The following TENM1 variants were observed in gnomAD, a reference collection of about 807,000 sequenced individuals.
TENM1 encodes the protein teneurin-1.
A neutral mutation model predicts 174.8 loss-of-function variants in TENM1; 35 were observed. The ratio of observed to expected loss-of-function variants is 0.20; its 90% CI spans 0.15 to 0.27. The LOEUF (loss-of-function observed/expected upper bound fraction) is 0.27. Ranked by LOEUF, TENM1 falls within the 10% of genes least tolerant of loss-of-function variation. The pLI is 1.00. For synonymous variants in TENM1, 781 were observed against 798.7 expected, an observed-to-expected ratio of 0.98 and a Z score of 0.37; for missense variants, 1,633 against 2,130.1, an observed-to-expected ratio of 0.77 and a Z score of 4.59.
intron 14 of TENM1, among the ~76,000 whole-genome samples, chrX:124,560,650 C>A (rs771999783): frequency 9.0e-6 from 1 of 111,586 alleles, no homozygotes; most frequent in South Asian, 3.8e-4. Context: ...AAGGAAGAAA[C>A]TCTTATAATG....
At chrX:125,106,522 A>G in the TENM1 span, among the ~76,000 whole-genome samples, 31,193 of 107,072 alleles carry the variant, frequency 0.29, 4,065 homozygotes, top group African/African-American at 0.5. Flanking sequence ...CCATTCTCTT[A>G]CCTCAGCCTC....
rs189711244 is a variant in TENM1, at chrX:124,581,207, G to T, written c.2078-15647C>A. ...AGTCTCCTGAGTAGCTGGGATTACA[G>T]GTGCGTGCCACCACGTCCGGCTAAT... is the stretch of plus-strand genomic sequence containing the variant. On this transcript the variant is annotated intron_variant, in intron 11 of 31. Transcript: ENST00000422452. Among the ~76,000 whole-genome samples, 650 of 107,925 alleles carry T rather than the reference G, an allele frequency of 6.0e-3. 3 individuals carry two copies. Among genetic ancestry groups the T allele is most frequent in the Middle Eastern group, 9.3e-3 (2 of 214 alleles). 93.7% of individuals were successfully genotyped at this position (107,925 alleles called of 115,157 possible). A position where few individuals can be genotyped will look rare whatever the true frequency, so the allele number is the denominator to read the frequency against.
At chrX:124,782,918 T>A (rs1843866993) in intron 3 of TENM1, among the ~76,000 whole-genome samples, 1 of 111,892 alleles carries the variant, frequency 8.9e-6, no homozygotes, top group South Asian at 3.7e-4. Context: ...TCACAATGAT[T>A]GTATGGATTT....
chrX:124,874,187 T>C (rs887056700), intron 3 of TENM1, among the ~76,000 whole-genome samples: 1 of 111,833 alleles, frequency 8.9e-6, no homozygotes, highest in Admixed American at 9.5e-5. Context: ...CTTTGCTAGA[T>C]ATTGTCAAAT....
intron 3 of TENM1, among the ~76,000 whole-genome samples, chrX:124,875,106 T>C (rs1156667605): frequency 9.0e-6 from 1 of 111,600 alleles, no homozygotes. Flanking sequence ...GTTAAAATGA[T>C]AGATTAAGGG....
intron 1 of TENM1, among the ~76,000 whole-genome samples, chrX:124,936,977 C>T (rs1453041160): frequency 1.9e-5 from 2 of 107,563 alleles, no homozygotes; most frequent in Admixed American, 1.0e-4. Flanking sequence ...CCCAGGGAGG[C>T]GGAGGTTGCA....
intron 3 of TENM1, among the ~76,000 whole-genome samples, chrX:124,892,777 T>C (rs963505873): frequency 1.8e-5 from 2 of 111,997 alleles, no homozygotes; most frequent in Non-Finnish European, 3.8e-5. Flanking sequence ...AAACAAAATG[T>C]CATTAACATT....
the TENM1 span, among the ~76,000 whole-genome samples, chrX:124,975,790 G>T: frequency 8.9e-6 from 1 of 111,758 alleles, no homozygotes; most frequent in Non-Finnish European, 1.9e-5. Flanking sequence ...AATGATTGTC[G>T]GGACTTGTAC....
chrX:125,112,134 TTGTGTGTGTGTGTGTGTG>T, the TENM1 span, among the ~76,000 whole-genome samples: 1 of 92,684 alleles, frequency 1.1e-5, no homozygotes, highest in African/African-American at 3.9e-5. Context: ...TTTAATGAAA[TTGTGTGTGTGTGTGTGTG>T]TGTGTGTGTG....
At chrX:125,048,210 T>A in the TENM1 span, among the ~76,000 whole-genome samples, 2 of 110,031 alleles carry the variant, frequency 1.8e-5, no homozygotes, top group East Asian at 5.7e-4. Flanking sequence ...CCTTTGCCTT[T>A]AGGAGTCCGT....
intron 4 of TENM1, among the ~76,000 whole-genome samples, chrX:124,718,198 G>C (rs1172555527): frequency 3.6e-5 from 4 of 112,252 alleles, no homozygotes; most frequent in Admixed American, 1.9e-4. Flanking sequence ...GCAGGAAATA[G>C]AGGACAAAAA....
At chrX:125,160,039 A>G in the TENM1 span, among the ~76,000 whole-genome samples, 1 of 108,814 alleles carries the variant, frequency 9.2e-6, no homozygotes, top group Non-Finnish European at 1.9e-5. Flanking sequence ...GTCTCTACTA[A>G]AAATCCAAAA....
In TENM1 at chrX:124,585,352, C is replaced by A. The variant is rs755962719; in HGVS notation, c.2078-19792G>T. On this transcript the variant is annotated intron_variant, in intron 11 of 31. Coordinates refer to ENST00000422452, the Ensembl canonical transcript of TENM1. ...ACAAACTGTCTCTCAGACCACAGTG[C>A]CATCAAACTAGAACTCAGGATTAAG... Among the ~76,000 whole-genome samples the A allele has an allele frequency of 7.3e-3, 809 of 111,303 alleles. 10 individuals carry two copies. Among genetic ancestry groups the A allele is most frequent in the African/African-American group, 0.026 (781 of 30,514 alleles).
the TENM1 span, among the ~76,000 whole-genome samples, chrX:125,157,750 G>A: frequency 8.9e-6 from 1 of 112,041 alleles, no homozygotes; most frequent in South Asian, 3.7e-4. Flanking sequence ...TTTATTCAGA[G>A]CTTAATTAGA....
At chrX:125,192,380 A>T in the TENM1 span, among the ~76,000 whole-genome samples, 1 of 112,096 alleles carries the variant, frequency 8.9e-6, no homozygotes, top group African/African-American at 3.2e-5. Flanking sequence ...AAATTTTTCA[A>T]GTTTTTTAAA....
intron 3 of TENM1, among the ~76,000 whole-genome samples, chrX:124,751,137 C>T (rs2054055430): frequency 9.0e-6 from 1 of 111,540 alleles, no homozygotes; most frequent in Admixed American, 9.6e-5. Context: ...TTTAAAAAGA[C>T]AACTGAGCAA....
chrX:124,629,203 T>C (rs1271349582), intron 11 of TENM1, among the ~76,000 whole-genome samples: 1 of 112,631 alleles, frequency 8.9e-6, no homozygotes, highest in Non-Finnish European at 1.9e-5. Flanking sequence ...TTGAATGTGA[T>C]TTTATAATAA....
At chrX:125,202,379 G>A in the TENM1 span, among the ~76,000 whole-genome samples, 1 of 111,816 alleles carries the variant, frequency 8.9e-6, no homozygotes, top group East Asian at 2.8e-4. Context: ...GGGATGTTTC[G>A]TTTCCTTTTG....
chrX:124,564,251 A>C lies in TENM1; in HGVS notation c.2264-479T>G, dbSNP rs1286166740. 2.7e-4 allele frequency among the ~76,000 whole-genome samples: 30 copies of C among 112,136 alleles called. No homozygotes were observed. The Admixed American group carries it at 2.8e-3, about 11-fold the overall frequency. On this transcript the variant is annotated intron_variant, in intron 12 of 31. Transcript: ENST00000422452. ...CTCACCCCTCTCCACCTTTTTAATG[A>C]ATCTTAAATATTTCCCACAGTTGCA... is the stretch of plus-strand genomic sequence containing the variant.
Sources: gnomAD v4.1 joint callset for allele counts (sites outside exome capture counted in the v4.1 genomes callset) on GRCh38, gnomAD v4.1.1 for gene constraint, MANE v1.5 for transcripts, NCBI Gene and HGNC (gene_info 2026-07-23, HGNC 2026-07-21) for gene names.